Variants in LIMS4 observed in about 807,000 individuals in gnomAD.
LIMS4 encodes the protein LIM and senescent cell antigen-like-containing domain protein 4.
chr2:110,390,833 G>T, the LIMS4 span, among the ~76,000 whole-genome samples: 1 of 152,264 alleles, frequency 6.6e-6, no homozygotes, highest in South Asian at 2.1e-4. Context: ...CTGCCCTCCA[G>T]GAGCGCACCA....
chr2:110,367,445 CT>C, the LIMS4 span, among the ~76,000 whole-genome samples: 1 of 142,998 alleles, frequency 7.0e-6, no homozygotes, highest in South Asian at 2.2e-4. Context: ...ACTAACTGAT[CT>C]TTGGCAAAGG....
chr2:110,396,119 C>T, the LIMS4 span, among the ~76,000 whole-genome samples: 3 of 121,118 alleles, frequency 2.5e-5, 1 homozygote, highest in African/African-American at 1.1e-4. Context: ...ACCAGGCACC[C>T]CTGGCACAGA....
the LIMS4 span, chr2:110,361,841 G>A: frequency 1.2e-6 from 1 of 824,850 alleles, no homozygotes; most frequent in South Asian, 1.4e-5. Flanking sequence ...GTAGGTGTGG[G>A]AATGTGTGCT....
chr2:110,411,331 T>C, the LIMS4 span, among the ~76,000 whole-genome samples: 2 of 138,414 alleles, frequency 1.4e-5, no homozygotes, highest in African/African-American at 2.9e-5. Flanking sequence ...CTTAGAAATA[T>C]ATTTTAGGTA....
At chr2:110,366,277 A>T in the LIMS4 span, among the ~76,000 whole-genome samples, 1 of 152,078 alleles carries the variant, frequency 6.6e-6, no homozygotes, top group African/African-American at 2.4e-5. Context: ...ATGAACACAG[A>T]TGCAAAAATC....
At chr2:110,425,665 G>C in the LIMS4 span, among the ~76,000 whole-genome samples, 1 of 142,488 alleles carries the variant, frequency 7.0e-6, no homozygotes, top group African/African-American at 3.0e-5. Context: ...GCTTATGAAA[G>C]ACTCAGCGTG....
the LIMS4 span, chr2:110,361,988 C>G: frequency 8.8e-7 from 1 of 1,142,420 alleles, no homozygotes; most frequent in Non-Finnish European, 1.3e-6. Context: ...ACCAACTCTC[C>G]TTGTGTAGTG....
the LIMS4 span, chr2:110,362,111 G>T: frequency 2.3e-5 from 18 of 792,932 alleles, no homozygotes; most frequent in Non-Finnish European, 3.8e-5. Flanking sequence ...TGGTTAGGAA[G>T]CAGCATCTGG....
the LIMS4 span, among the ~76,000 whole-genome samples, chr2:110,391,979 G>A: frequency 1.0e-4 from 15 of 150,570 alleles, no homozygotes; most frequent in African/African-American, 2.3e-4. Flanking sequence ...CAGTCAGCAC[G>A]CCTGAGAAGC....
chr2:110,422,515 C>A, the LIMS4 span, among the ~76,000 whole-genome samples: 1 of 104,274 alleles, frequency 9.6e-6, no homozygotes, highest in African/African-American at 6.3e-5. Flanking sequence ...GGGTCTTGCT[C>A]TTTTGCCCAG....
the LIMS4 span, among the ~76,000 whole-genome samples, chr2:110,424,898 A>C: frequency 7.0e-6 from 1 of 143,194 alleles, no homozygotes; most frequent in African/African-American, 2.9e-5. Flanking sequence ...TGCGGGGAGG[A>C]TTGAAAAAAG....
At chr2:110,392,311 C>T in the LIMS4 span, among the ~76,000 whole-genome samples, 256 of 150,926 alleles carry the variant, frequency 1.7e-3, 7 homozygotes, top group African/African-American at 5.7e-3. Flanking sequence ...CGGTGGCAGG[C>T]GCCTGTGGTC....
chr2:110,424,689 T>A, the LIMS4 span, among the ~76,000 whole-genome samples: 1 of 144,066 alleles, frequency 6.9e-6, no homozygotes. Flanking sequence ...AATCCCAGCA[T>A]TCTGGGAGGC....
the LIMS4 span, among the ~76,000 whole-genome samples, chr2:110,395,643 A>G: frequency 4.2e-5 from 1 of 23,852 alleles, no homozygotes; most frequent in Admixed American, 4.4e-4. Flanking sequence ...GGTGCACATC[A>G]GTCCTCCTAT....
At chr2:110,397,141 A>G in the LIMS4 span, among the ~76,000 whole-genome samples, 1 of 41,292 alleles carries the variant, frequency 2.4e-5, no homozygotes, top group African/African-American at 9.0e-5. Context: ...CCAGGGGTCA[A>G]TCTGGGCTGT....
chr2:110,389,782 G>C, the LIMS4 span, among the ~76,000 whole-genome samples: 3 of 144,834 alleles, frequency 2.1e-5, no homozygotes, highest in East Asian at 6.2e-4. Context: ...AGCAGATCCT[G>C]GGTAGGTAAC....
At chr2:110,359,134 C>G in the LIMS4 span, 3 of 151,076 alleles carry the variant, frequency 2.0e-5, no homozygotes, top group East Asian at 5.9e-4. Flanking sequence ...ATATTTTTTT[C>G]AAATGTCCCA....
At chr2:110,367,609 C>T in the LIMS4 span, among the ~76,000 whole-genome samples, 15 of 142,552 alleles carry the variant, frequency 1.1e-4, no homozygotes, top group Non-Finnish European at 1.5e-4. Flanking sequence ...TGTAAGACTT[C>T]GAACTATAAA....
the LIMS4 span, among the ~76,000 whole-genome samples, chr2:110,379,011 A>G: frequency 3.6e-4 from 53 of 148,776 alleles, no homozygotes; most frequent in Non-Finnish European, 2.9e-5. Context: ...CAATTTATAC[A>G]GAAAGAAATC....
Sources: gnomAD v4.1 joint callset for allele counts (sites outside exome capture counted in the v4.1 genomes callset) on GRCh38, gnomAD v4.1.1 for gene constraint, MANE v1.5 for transcripts, NCBI Gene and HGNC (gene_info 2026-07-23, HGNC 2026-07-21) for gene names.